EIF2AK2: variants seen among roughly 807,000 people sequenced by gnomAD.
EIF2AK2 encodes the protein interferon-induced, double-stranded RNA-activated protein kinase.
In EIF2AK2, 40 loss-of-function variants were observed where a neutral mutation model predicts 70.5. The ratio of observed to expected loss-of-function variants is 0.57; its 90% confidence interval spans 0.44 to 0.74. The LOEUF (loss-of-function observed/expected upper bound fraction) is 0.74. Ranked by LOEUF, EIF2AK2 falls within the 30% of genes least tolerant of loss-of-function variation. The pLI, the probability that EIF2AK2 is intolerant of heterozygous loss-of-function variation, is 0.00. For missense variants in EIF2AK2, 555 were observed against 644.3 expected (o/e 0.86, Z 1.50); for synonymous variants, 198 against 220.9 (o/e 0.90, Z 0.92).
At position 37,126,967 on chromosome 2, in the gene EIF2AK2, G is replaced by GAAAAAAA. The variant is rs57802509; in HGVS notation, c.786-563_786-557dup. 3.1e-4 allele frequency among the ~76,000 whole-genome samples: 16 copies of GAAAAAAA among 52,156 alleles called. 1 individual carries two copies. Among genetic ancestry groups the GAAAAAAA allele is most frequent in the African/African-American group, 4.6e-4 (6 of 13,094 alleles). 34.2% of individuals were successfully genotyped at this position (52,156 alleles called of 152,430 possible). On this transcript the variant is annotated intron_variant, in intron 10 of 16. Coordinates refer to ENST00000233057, the MANE Select transcript of EIF2AK2 (RefSeq NM_001135651.3). ...AATGAAACTCCATCTCAAAAAAACA[G>GAAAAAAA]AAAAAAAAAAAAAAAAAAAAAAAAA...
intron 11 of EIF2AK2, 79 bp from the exon 12 acceptor site, chr2:37,122,743 C>A: frequency 2.0e-6 from 3 of 1,535,866 alleles, no homozygotes; most frequent in Non-Finnish European, 2.7e-6. Context: ...ATGTAATAGA[C>A]AACTGTCTAC....
chr2:37,108,147 A>G (rs1674026973), intron 15 of EIF2AK2, among the ~76,000 whole-genome samples: 1 of 123,330 alleles, frequency 8.1e-6, no homozygotes, highest in African/African-American at 3.1e-5. Context: ...ACTCTATCTC[A>G]AAAAAAAAAA....
At chr2:37,151,824 C>A (rs879614218) in intron 1 of EIF2AK2, among the ~76,000 whole-genome samples, 7 of 152,244 alleles carry the variant, frequency 4.6e-5, no homozygotes, top group Non-Finnish European at 8.8e-5. Context: ...CATGCCTGTA[C>A]TCCCAACACT....
intron 4 of EIF2AK2, among the ~76,000 whole-genome samples, chr2:37,143,452 C>T (rs956170469): frequency 1.3e-5 from 2 of 152,026 alleles, no homozygotes; most frequent in African/African-American, 2.4e-5. Context: ...ACACTTGGCT[C>T]GCTATATCCA....
intron 10 of EIF2AK2, among the ~76,000 whole-genome samples, chr2:37,133,411 C>T (rs1007729691): frequency 6.6e-6 from 1 of 152,272 alleles, no homozygotes; most frequent in East Asian, 1.9e-4. Flanking sequence ...CAAAATACAA[C>T]TCCTTTAATC....
rs1192150909 is a variant in EIF2AK2 at position 37,120,518 on chromosome 2, AAAAAAAAG to A, written c.1068-387_1068-380del. Among the ~76,000 whole-genome samples the A allele has an allele frequency of 2.2e-3, 309 of 137,878 alleles. 11 individuals carry two copies. Among genetic ancestry groups the A allele is most frequent in the African/African-American group, 7.4e-3 (291 of 39,298 alleles). The allele number at this position is 137,878 out of a possible 152,430, so 90.5% of individuals were successfully genotyped here. On this transcript the variant is annotated intron_variant, in intron 12 of 16. Transcript: ENST00000233057. ...CGAGATTCCGTCTCACAAAAAAAAA[AAAAAAAAG>A]AAAAAAAAAGAACCCCAAAACATGT...
intron 4 of EIF2AK2, among the ~76,000 whole-genome samples, chr2:37,144,095 G>A (rs1675437345): frequency 1.3e-5 from 2 of 152,236 alleles, no homozygotes; most frequent in South Asian, 4.2e-4. Flanking sequence ...CATAGCCACT[G>A]TAATGGCTAA....
chr2:37,154,504 G>A (rs1573047289), intron 1 of EIF2AK2, among the ~76,000 whole-genome samples: 1 of 151,918 alleles, frequency 6.6e-6, no homozygotes, highest in South Asian at 2.1e-4. Flanking sequence ...ATGGGGTTGC[G>A]CATCCTCTTC....
chr2:37,137,947 C>A (rs1675185627), intron 8 of EIF2AK2, among the ~76,000 whole-genome samples: 1 of 151,876 alleles, frequency 6.6e-6, no homozygotes, highest in African/African-American at 2.4e-5. Flanking sequence ...CCCGTCTCTA[C>A]TAAAAGTACA....
At position 37,105,507 on chromosome 2, in the gene EIF2AK2, G is replaced by A. The variant is rs1673934994; in HGVS notation, c.*1766C>T. On this transcript the variant is annotated 3_prime_UTR_variant, in exon 17 of 17. Transcript: ENST00000233057. ...CCGGCTCCCCTTCACCTTCCACCAT[G>A]AGTGGAAGCAGCCGGGGAAGAAGCA... 6.6e-6 allele frequency: 1 copy of A among 152,320 alleles called. No individual in the cohort carries two copies. Among genetic ancestry groups the A allele is most frequent in the African/African-American group, 2.4e-5 (1 of 41,444 alleles). 9.4% of individuals were successfully genotyped at this position (152,320 alleles called of 1,614,324 possible). A position where few individuals can be genotyped will look rare whatever the true frequency, so the allele number is the denominator to read the frequency against.
chr2:37,148,718 A>G (rs948492569), intron 2 of EIF2AK2, 139 bp downstream of exon 2: 1 of 827,944 alleles, frequency 1.2e-6, no homozygotes, highest in Admixed American at 1.7e-5. Context: ...AAAAATTTAT[A>G]TTGACAGATT....
intron 1 of EIF2AK2, among the ~76,000 whole-genome samples, chr2:37,156,263 G>C (rs1675920923): frequency 6.6e-6 from 1 of 152,156 alleles, no homozygotes; most frequent in African/African-American, 2.4e-5. Context: ...GGTGCGAGGG[G>C]CCTTGCCTGT....
intron 13 of EIF2AK2, among the ~76,000 whole-genome samples, chr2:37,117,211 C>CAAAAAAA (rs534964659): frequency 4.5e-5 from 2 of 44,186 alleles, no homozygotes; most frequent in Non-Finnish European, 9.4e-5. Context: ...GACTCTGTCT[C>CAAAAAAA]AAAAAAAAAA....
At chr2:37,107,954 T>G (rs1344745466) in intron 15 of EIF2AK2, among the ~76,000 whole-genome samples, 1 of 152,066 alleles carries the variant, frequency 6.6e-6, no homozygotes, top group African/African-American at 2.4e-5. Context: ...GAGACCAGCC[T>G]GACCAACATG....
At chr2:37,135,690 G>A in intron 9 of EIF2AK2, 144 bp from the exon 10 acceptor site, 1 of 673,774 alleles carries the variant, frequency 1.5e-6, no homozygotes. Context: ...GTGCAGTGGT[G>A]TGATCATAGC....
chr2:37,141,418 A>C, intron 5 of EIF2AK2, 135 bp downstream of exon 5: 1 of 1,050,012 alleles, frequency 9.5e-7, no homozygotes, highest in South Asian at 1.6e-5. Context: ...AAATCCAATT[A>C]CTTATCAATC....
intron 4 of EIF2AK2, among the ~76,000 whole-genome samples, chr2:37,143,540 A>G (rs985844561): frequency 2.6e-5 from 4 of 152,178 alleles, no homozygotes; most frequent in South Asian, 2.1e-4. Context: ...ATCTGTACTA[A>G]ATATATGCAG....
At chr2:37,121,819 G>C (rs920387597) in intron 12 of EIF2AK2, among the ~76,000 whole-genome samples, 1 of 152,090 alleles carries the variant, frequency 6.6e-6, no homozygotes, top group African/African-American at 2.4e-5. Flanking sequence ...ACACGACATG[G>C]AGATGGAGGT....
intron 6 of EIF2AK2, 30 bp from the exon 7 acceptor site, chr2:37,138,615 T>A: frequency 6.3e-7 from 1 of 1,587,502 alleles, no homozygotes; most frequent in Non-Finnish European, 8.6e-7. Context: ...TTAGTAGGCT[T>A]AAATACAACT....
Sources: allele counts gnomAD v4.1 joint callset (sites outside exome capture counted in the v4.1 genomes callset), GRCh38; gene constraint gnomAD v4.1.1; transcripts MANE v1.5; gene names NCBI Gene and HGNC (gene_info 2026-07-23, HGNC 2026-07-21).